The following FRMD8 variants were observed in gnomAD, a reference collection of about 807,000 sequenced individuals.
FRMD8 encodes the protein FERM domain containing 8, also known as FERM domain-containing protein 8.
Under a neutral mutation model 54.2 loss-of-function variants are expected in FRMD8, and 37 were observed. The ratio of observed to expected loss-of-function variants is 0.68; its 90% CI spans 0.53 to 0.90. FRMD8 has a LOEUF of 0.90. Ranked by LOEUF, FRMD8 falls within the 40% of genes least tolerant of loss-of-function variation. The pLI is 0.00. For missense variants in FRMD8, 585 were observed against 653.7 expected (o/e 0.89, Z 1.15); for synonymous variants, 246 against 286.9 (o/e 0.86, Z 1.44).
chr11:65,377,409 C>T, the FRMD8 span: 14 of 1,175,088 alleles, frequency 1.2e-5, no homozygotes, highest in African/African-American at 1.3e-4. Flanking sequence ...TCCCTAAAGC[C>T]GGCAGTGAGC....
chr11:65,397,797 G>C (rs887028027), intron 7 of FRMD8, among the ~76,000 whole-genome samples: 1 of 151,734 alleles, frequency 6.6e-6, no homozygotes, highest in Non-Finnish European at 1.5e-5. Flanking sequence ...CTGCAGGCTC[G>C]ACCTCCTGGG....
chr11:65,377,427 T>C, the FRMD8 span: 2 of 1,097,382 alleles, frequency 1.8e-6, no homozygotes, highest in Non-Finnish European at 2.2e-6. Flanking sequence ...AGCATACCTG[T>C]ACGGTGGGCA....
chr11:65,372,372 G>C, the FRMD8 span, among the ~76,000 whole-genome samples: 1 of 152,104 alleles, frequency 6.6e-6, no homozygotes, highest in Non-Finnish European at 1.5e-5. Context: ...CTCCAGGACT[G>C]CTCTCCCAGC....
chr11:65,377,706 C>T, the FRMD8 span: 1 of 152,910 alleles, frequency 6.5e-6, no homozygotes, highest in Non-Finnish European at 1.5e-5. Flanking sequence ...GCAGATGCTA[C>T]ACAGATTTGG....
Position 65,400,206 on chromosome 11 carries a change from C to T in FRMD8, c.927+347C>T, listed in dbSNP as rs1856043142. ...GGAGCCCTCTTGGGCTGACCGTGTC[C>T]TCTTCTTTCTGCGTTTGGTGGCCAG... is the stretch of plus-strand genomic sequence containing the variant. On this transcript the variant is annotated intron_variant, in intron 8 of 10. Coordinates refer to ENST00000317568, the MANE Select transcript of FRMD8 (RefSeq NM_031904.5). This position sits in a 1 kb window ranked among gnomAD's most constrained non-coding sequence, Gnocchi z 4.3. Among the ~76,000 whole-genome samples, 1 of 152,220 alleles carries T rather than the reference C, an allele frequency of 6.6e-6. No homozygotes were observed. Among genetic ancestry groups the T allele is most frequent in the South Asian group, 2.1e-4 (1 of 4,834 alleles).
rs1032071282 is a variant in FRMD8, at chr11:65,392,950, C to G, written c.254-623C>G. Among the ~76,000 whole-genome samples, 8 of 152,228 alleles carry G rather than the reference C, an allele frequency of 5.3e-5. No homozygotes were observed. The South Asian group carries it at 8.3e-4, about 16-fold the overall frequency. ...GCGCAGAGGCCCTGGCACAAGCAAG[C>G]TGGGGATGATTTAAGGAGATTTAAG... On this transcript the variant is annotated intron_variant, in intron 3 of 10. Transcript: ENST00000317568.
upstream of FRMD8, chr11:65,382,378 CAGAG>C (rs1855619398): frequency 9.5e-6 from 2 of 211,606 alleles, no homozygotes; most frequent in Admixed American, 1.0e-4. This position sits in a 1 kb window ranked among gnomAD's most constrained non-coding sequence, Gnocchi z 4.4. Context: ...CCCCATGCCA[CAGAG>C]AGAGGCCGGG....
chr11:65,379,292 G>C, the FRMD8 span: 1 of 1,504,824 alleles, frequency 6.6e-7, no homozygotes, highest in Non-Finnish European at 9.1e-7. Flanking sequence ...CCACAGCTGT[G>C]GGTCGCCAGG....
intron 10 of FRMD8, among the ~76,000 whole-genome samples, chr11:65,409,700 C>T (rs557103561): frequency 4.0e-5 from 6 of 150,504 alleles, no homozygotes; most frequent in East Asian, 2.0e-4. Context: ...CAGAGGGTTA[C>T]GGCTTCAGTG....
intron 10 of FRMD8, among the ~76,000 whole-genome samples, chr11:65,405,357 C>T (rs1856173472): frequency 6.6e-6 from 1 of 152,224 alleles, no homozygotes; most frequent in Non-Finnish European, 1.5e-5. Flanking sequence ...CGCGGTGGCT[C>T]ACGCCTGTAA....
rs1357353092 is a variant in FRMD8, at chr11:65,412,854, C to G, written c.*1494C>G. ...AAGGGCCCCCAGTCTTTTGGAATGT[C>G]CTGGTCACAGGGTCATGTCAGCTGC... On this transcript the variant is annotated 3_prime_UTR_variant, in exon 11 of 11. Coordinates refer to ENST00000317568, the MANE Select transcript of FRMD8 (RefSeq NM_031904.5). The G allele has an allele frequency of 6.6e-6, 1 of 152,246 alleles. No individual in the cohort carries two copies. The highest frequency in any genetic ancestry group is 1.9e-4 in the East Asian group (1 of 5,196). 9.4% of individuals were successfully genotyped at this position (152,246 alleles called of 1,614,324 possible).
At chr11:65,403,878 C>A (rs1590658462) in intron 9 of FRMD8, among the ~76,000 whole-genome samples, 1 of 152,212 alleles carries the variant, frequency 6.6e-6, no homozygotes, top group South Asian at 2.1e-4. Flanking sequence ...GTAGGCTTCC[C>A]TGTTATGGTT....
rs1292862086 is a variant in FRMD8 at position 65,387,075 on chromosome 11, C to G, written c.39C>G (p.Pro13=). Residue 13 remains proline, a synonymous_variant, in exon 2 of 11, where the codon CCC becomes CCG. Coordinates refer to ENST00000317568, the MANE Select transcript of FRMD8 (RefSeq NM_031904.5). ...AAGGCAGTGCCGGGCAGCCCGGCCC[C>G]GCTGAGCGATCCCACCGAAGCAGCG... ...GTEGSAGQPG[P]AERSHRSSVS... The G allele has an allele frequency of 1.2e-6, 2 of 1,608,960 alleles. No individual in the cohort carries two copies. Among genetic ancestry groups the G allele is most frequent in the Admixed American group, 3.3e-5 (2 of 60,026 alleles).
chr11:65,391,300 C>T (rs1855841126), intron 3 of FRMD8, among the ~76,000 whole-genome samples: 1 of 152,182 alleles, frequency 6.6e-6, no homozygotes, highest in Admixed American at 6.5e-5. Context: ...GTCTTTTGAG[C>T]TGCTGGGGCT....
rs1489108692 is a variant in FRMD8 at position 65,404,756 on chromosome 11, G to A, written c.1072-108G>A. On this transcript the variant is annotated intron_variant, in intron 9 of 10. Transcript: ENST00000317568. The surrounding 1 kb of genome is among the most constrained non-coding windows in gnomAD (Gnocchi z 4.7). ...CTGCTCCCTCCCTCCTGAGTGATGT[G>A]TGTCCCCTCCCCTGCTTCCCCAACC... 2.2e-6 allele frequency: 2 copies of A among 892,796 alleles called. No homozygotes were observed. The allele number at this position is 892,796 out of a possible 1,614,324, so 55.3% of individuals were successfully genotyped here. A position where few individuals can be genotyped will look rare whatever the true frequency, so the allele number is the denominator to read the frequency against.
intron 6 of FRMD8, 64 bp from the exon 7 acceptor site, chr11:65,396,735 G>A (rs1355495948): frequency 9.8e-6 from 11 of 1,122,670 alleles, no homozygotes; most frequent in Non-Finnish European, 1.3e-5. Context: ...TGCTTCCCTC[G>A]CCCTCCCCCG....
chr11:65,368,275 TC>T, the FRMD8 span, among the ~76,000 whole-genome samples: 1 of 151,682 alleles, frequency 6.6e-6, no homozygotes, highest in East Asian at 1.9e-4. Flanking sequence ...GGGGTTTCAC[TC>T]TGTTGGCCGG....
chr11:65,380,573 G>A, the FRMD8 span: 1 of 1,303,264 alleles, frequency 7.7e-7, no homozygotes, highest in South Asian at 1.2e-5. Flanking sequence ...AACTCATAAT[G>A]TCGTCGCCGG....
chr11:65,405,825 A>T (rs1590660193), intron 10 of FRMD8, among the ~76,000 whole-genome samples: 6 of 151,846 alleles, frequency 4.0e-5, no homozygotes, highest in Admixed American at 3.9e-4. Flanking sequence ...ACAGAGTGAG[A>T]CCCTGTCTCT....
Sources: gnomAD v4.1 joint callset for allele counts (sites outside exome capture counted in the v4.1 genomes callset) on GRCh38, gnomAD v4.1.1 for gene constraint, Gnocchi (gnomAD v3.1) non-coding constraint, MANE v1.5 for transcripts, NCBI Gene and HGNC (gene_info 2026-07-23, HGNC 2026-07-21) for gene names.